PANK4: variants seen among roughly 807,000 people sequenced by gnomAD.
PANK4 encodes 4'-phosphopantetheine phosphatase.
PANK4 carries 40 observed loss-of-function variants against 87.9 expected under a neutral mutation model. The ratio of observed to expected loss-of-function variants is 0.46; its 90% CI spans 0.35 to 0.59. The LOEUF (loss-of-function observed/expected upper bound fraction) is 0.59, where lower values mean the gene tolerates loss of function less well. Ranked by LOEUF, PANK4 falls within the 20% of genes least tolerant of loss-of-function variation. The probability of loss-of-function intolerance (pLI) is 0.00; values close to 1 mark genes in which losing one functional copy is unlikely to be tolerated. For missense variants in PANK4, 926 were observed against 1,072.3 expected (o/e 0.86, Z 1.90); for synonymous variants, 524 against 467.4 (o/e 1.12, Z -1.56).
intron 9 of PANK4, among the ~76,000 whole-genome samples, chr1:2,516,915 T>C (rs1008404366): frequency 6.6e-6 from 1 of 152,252 alleles, no homozygotes; most frequent in Non-Finnish European, 1.5e-5. Flanking sequence ...TCTCTCTGCA[T>C]GTCAGTTTGA....
At position 2,510,346 on chromosome 1, in the gene PANK4, A is replaced by G. The variant is rs543985792; in HGVS notation, c.1939-189T>C. ...CTCTGTGGCCCCTGGGAGGGAGCTGAGCCGAGGGGCAGAGCTGAGTTTAGA... is the reference window on the plus strand; with the variant it reads ...CTCTGTGGCCCCTGGGAGGGAGCTGGGCCGAGGGGCAGAGCTGAGTTTAGA... On this transcript the variant is annotated intron_variant, in intron 16 of 18. Transcript: ENST00000378466. The surrounding 1 kb of genome is among the most constrained non-coding windows in gnomAD (Gnocchi z 4.9). 1 of 614,358 alleles carries G rather than the reference A, an allele frequency of 1.6e-6. No individual in the cohort carries two copies. The highest frequency in any genetic ancestry group is 1.9e-5 in the South Asian group (1 of 53,286). 38.1% of individuals were successfully genotyped at this position (614,358 alleles called of 1,614,324 possible).
chr1:2,512,220 C>T (rs530404013), intron 13 of PANK4, among the ~76,000 whole-genome samples: 1 of 152,270 alleles, frequency 6.6e-6, no homozygotes, highest in South Asian at 2.1e-4. Context: ...GCGGGAGGGG[C>T]CTGTGTCCCA....
chr1:2,516,166 T>G (rs564847086), intron 9 of PANK4, among the ~76,000 whole-genome samples: 1 of 152,272 alleles, frequency 6.6e-6, no homozygotes, highest in Non-Finnish European at 1.5e-5. Flanking sequence ...CAGGTGGCCG[T>G]GTCTGCACAC....
chr1:2,513,258 T>C (rs1405156700), intron 12 of PANK4, among the ~76,000 whole-genome samples: 2 of 152,170 alleles, frequency 1.3e-5, no homozygotes, highest in South Asian at 2.1e-4. Context: ...TCAGCCCCCA[T>C]GTGACTGAGC....
At position 2,519,076 on chromosome 1, in the gene PANK4, G is replaced by T. The variant is rs963325932; in HGVS notation, c.1035+67C>A. ...CTGGGGGTGCTGCGGTGTCTAACCA[G>T]CATGACTGATTGGGAAGATCCTGGG... On this transcript the variant is annotated intron_variant, in intron 7 of 18. Transcript: ENST00000378466. This position sits in a 1 kb window ranked among gnomAD's most constrained non-coding sequence, Gnocchi z 8.3. The T allele has an allele frequency of 5.5e-6, 8 of 1,467,314 alleles. No homozygotes were observed. Among genetic ancestry groups the T allele is most frequent in the African/African-American group, 1.4e-5 (1 of 71,816 alleles). The allele number at this position is 1,467,314 out of a possible 1,614,324, so 90.9% of individuals were successfully genotyped here. A position where few individuals can be genotyped will look rare whatever the true frequency, so the allele number is the denominator to read the frequency against.
chr1:2,514,428 C>T lies in PANK4; in HGVS notation c.1413G>A (p.Val471=). Residue 471 remains valine, a synonymous_variant, in exon 11 of 19, where the codon GTG becomes GTA. Coordinates refer to ENST00000378466, the MANE Select transcript of PANK4 (RefSeq NM_018216.4). ...ACTTCTCCGCCCTCTCGGCTGCATC[C>T]ACAGAGTCTGGCTGGCTCGCCACTG... ...KRAVASQPDS[V]DAAERAEKFR... 3 of 1,612,136 alleles carry T rather than the reference C, an allele frequency of 1.9e-6. No individual in the cohort carries two copies. Among genetic ancestry groups the T allele is most frequent in the Non-Finnish European group, 2.5e-6 (3 of 1,179,906 alleles).
rs187784172 is a variant in PANK4, at chr1:2,520,315, C to T, written c.699+7G>A. ...CCCCTGGAAGGTCTCTGGCAGCTGC[C>T]GCATACCTTCGTTTTGGTGAGCAGA... On this transcript the variant is annotated splice_region_variant and intron_variant, in intron 5 of 18. Transcript: ENST00000378466. The surrounding 1 kb of genome is among the most constrained non-coding windows in gnomAD (Gnocchi z 6.2). 2.0e-5 allele frequency: 32 copies of T among 1,611,686 alleles called. No homozygotes were observed. The highest frequency in any genetic ancestry group is 1.3e-4 in the Admixed American group (8 of 60,010).
intron 1 of PANK4, among the ~76,000 whole-genome samples, chr1:2,522,704 T>TG (rs1461628251): frequency 1.3e-5 from 2 of 152,298 alleles, no homozygotes; most frequent in Non-Finnish European, 2.9e-5. Flanking sequence ...CTACAGTGAC[T>TG]TAACAGAGGG....
In PANK4 at chr1:2,521,815, C is replaced by G. The variant is rs759870442; in HGVS notation, c.125-15G>C. The G allele has an allele frequency of 1.2e-6, 2 of 1,608,990 alleles. No homozygotes were observed. Among genetic ancestry groups the G allele is most frequent in the Admixed American group, 1.7e-5 (1 of 60,024 alleles). On this transcript the variant is annotated splice_polypyrimidine_tract_variant and intron_variant, in intron 1 of 18. Transcript: ENST00000378466. ...TAACGACCCGCCTGCAGGGGAGACA[C>G]AAACCGGGCAGGATTCAGGACCAGG... is the stretch of plus-strand genomic sequence containing the variant.
Position 2,520,415 on chromosome 1 carries a change from C to T in PANK4, c.607-1G>A. On this transcript the variant is annotated splice_acceptor_variant, in intron 4 of 18. Transcript: ENST00000378466. LOFTEE classifies it high-confidence loss of function. The surrounding 1 kb of genome is among the most constrained non-coding windows in gnomAD (Gnocchi z 6.2). ...ACTCGAACCTGTCCTCCGTCTCCACCTGCAACAGAGCCAGGGCAGGTGTGC... is the reference window on the plus strand; with the variant it reads ...ACTCGAACCTGTCCTCCGTCTCCACTTGCAACAGAGCCAGGGCAGGTGTGC... The T allele has an allele frequency of 6.2e-7, 1 of 1,612,526 alleles. No homozygotes were observed. Among genetic ancestry groups the T allele is most frequent in the Non-Finnish European group, 8.5e-7 (1 of 1,179,692 alleles).
chr1:2,514,488 G>A lies in PANK4; in HGVS notation c.1375-22C>T, dbSNP rs370441893. On this transcript the variant is annotated intron_variant, in intron 10 of 18. Coordinates refer to ENST00000378466, the MANE Select transcript of PANK4 (RefSeq NM_018216.4). ...CTACCTGCCAGCGACAGAAGGAGGG[G>A]GTTAGTCAAGCGCTGGCCCTGCTGC... 42 of 1,567,414 alleles carry A rather than the reference G, an allele frequency of 2.7e-5. 1 individual carries two copies. Among genetic ancestry groups the A allele is most frequent in the African/African-American group, 1.8e-4 (12 of 66,718 alleles).
chr1:2,521,535 A>G (rs1570548965), intron 2 of PANK4, 183 bp downstream of exon 2: 1 of 708,238 alleles, frequency 1.4e-6, no homozygotes, highest in East Asian at 2.5e-5. Context: ...AGGCGGGCGC[A>G]GGTTCCTACA....
chr1:2,508,629 T>TAA lies in PANK4; in HGVS notation c.*216_*217dup, dbSNP rs1052820700. 8 of 337,728 alleles carry TAA rather than the reference T, an allele frequency of 2.4e-5. No individual in the cohort carries two copies. Among genetic ancestry groups the TAA allele is most frequent in the Admixed American group, 1.4e-4 (3 of 22,206 alleles). The allele number at this position is 337,728 out of a possible 1,614,324, so 20.9% of individuals were successfully genotyped here. On this transcript the variant is annotated 3_prime_UTR_variant, in exon 19 of 19. Coordinates refer to ENST00000378466, the MANE Select transcript of PANK4 (RefSeq NM_018216.4). This position sits in a 1 kb window ranked among gnomAD's most constrained non-coding sequence, Gnocchi z 5.1. ...CTCTCTATTTATATATATATATATATAAAAGGTTCTTTAGCAGTTAAATAG... is the reference window on the plus strand; with the variant it reads ...CTCTCTATTTATATATATATATATATAAAAAAGGTTCTTTAGCAGTTAAATAG...
Position 2,518,535 on chromosome 1 carries a change from C to T in PANK4, c.1098G>A (p.Leu366=), listed in dbSNP as rs1643826399. 1 of 1,569,450 alleles carries T rather than the reference C, an allele frequency of 6.4e-7. No homozygotes were observed. The highest frequency in any genetic ancestry group is 8.6e-7 in the Non-Finnish European group (1 of 1,157,116). The change falls in exon 8 of 19, where the codon CTG becomes CTA. Residue 366 remains leucine, a synonymous_variant. Transcript: ENST00000378466. ...EGYLGAIGAF[L]KGAEQDNPNQ... is the part of the protein sequence containing the mutation. Reference sequence around the variant, plus strand: ...ACTCACTGTCCTGCTCAGCTCCTTTCAGGAACGCTCCGATGGCTCCCAGGT... The same window carrying T: ...ACTCACTGTCCTGCTCAGCTCCTTTTAGGAACGCTCCGATGGCTCCCAGGT...
At chr1:2,517,776 C>T (rs1167185595) in intron 9 of PANK4, among the ~76,000 whole-genome samples, 4 of 152,242 alleles carry the variant, frequency 2.6e-5, no homozygotes, top group South Asian at 4.1e-4. Context: ...TGCGGCAGAG[C>T]GCGCAGTCCT....
intron 1 of PANK4, 30 bp from the exon 2 acceptor site, chr1:2,521,830 T>G: frequency 6.3e-7 from 1 of 1,583,472 alleles, no homozygotes; most frequent in Non-Finnish European, 8.7e-7. Context: ...CGGGCAGGAT[T>G]CAGGACCAGG....
At chr1:2,522,679 G>A (rs1286433840) in intron 1 of PANK4, among the ~76,000 whole-genome samples, 1 of 152,290 alleles carries the variant, frequency 6.6e-6, no homozygotes, top group Non-Finnish European at 1.5e-5. Context: ...GTGACTTTGA[G>A]TGCATTGCGC....
At position 2,508,663 on chromosome 1, in the gene PANK4, A is replaced by G. The variant is rs1052460181; in HGVS notation, c.*184T>C. ...CTTTAGCAGTTAAATAGATTCCAAT[A>G]TGAACGTCTCCCAGGACAAAGCTGC... is the stretch of plus-strand genomic sequence containing the variant. On this transcript the variant is annotated 3_prime_UTR_variant, in exon 19 of 19. Transcript: ENST00000378466. The surrounding 1 kb of genome is among the most constrained non-coding windows in gnomAD (Gnocchi z 5.1). The G allele has an allele frequency of 3.7e-6, 2 of 534,732 alleles. No homozygotes were observed. Among genetic ancestry groups the G allele is most frequent in the African/African-American group, 3.8e-5 (2 of 52,394 alleles). 33.1% of individuals were successfully genotyped at this position (534,732 alleles called of 1,614,324 possible).
At chr1:2,514,242 A>G in intron 11 of PANK4, 112 bp downstream of exon 11, 4 of 1,118,840 alleles carry the variant, frequency 3.6e-6, no homozygotes, top group Admixed American at 1.7e-5. Flanking sequence ...CAGGGCCCAC[A>G]CCCACCCCCA....
Sources: gnomAD v4.1 joint callset for allele counts (sites outside exome capture counted in the v4.1 genomes callset) on GRCh38, gnomAD v4.1.1 for gene constraint, Gnocchi (gnomAD v3.1) non-coding constraint, MANE v1.5 for transcripts, NCBI Gene and HGNC (gene_info 2026-07-23, HGNC 2026-07-21) for gene names.